Variants in AP2B1 observed in about 807,000 individuals in gnomAD.
The protein encoded by AP2B1 is AP-2 complex subunit beta.
AP2B1 carries 23 observed loss-of-function variants against 102.0 expected under a neutral mutation model. The observed-to-expected ratio is 0.23, with a 90% CI of 0.16 to 0.32. The LOEUF is 0.32. AP2B1 is among the 10% of genes least tolerant of loss of function. The pLI, the probability that AP2B1 is intolerant of heterozygous loss-of-function variation, is 1.00. For synonymous variants in AP2B1, 381 were observed against 421.2 expected (o/e 0.90, Z 1.17); for missense variants, 541 against 1,157.4 (o/e 0.47, Z 7.73).
intron 1 of AP2B1, among the ~76,000 whole-genome samples, chr17:35,588,985 G>A (rs554031954): frequency 2.6e-5 from 4 of 152,256 alleles, no homozygotes; most frequent in Admixed American, 1.3e-4. Context: ...ATTAAATAGG[G>A]CACGTTCTCC....
chr17:35,720,995 C>T (rs190309578), intron 21 of AP2B1, among the ~76,000 whole-genome samples: 6 of 152,020 alleles, frequency 3.9e-5, no homozygotes, highest in Admixed American at 3.3e-4. Context: ...TGATCCATTC[C>T]CTTCATCACC....
intron 13 of AP2B1, among the ~76,000 whole-genome samples, chr17:35,654,206 T>G (rs2075162068): frequency 6.6e-6 from 1 of 151,942 alleles, no homozygotes; most frequent in Non-Finnish European, 1.5e-5. Flanking sequence ...GGACTACAGC[T>G]GCCTCCTACC....
intron 20 of AP2B1, among the ~76,000 whole-genome samples, chr17:35,715,557 G>T (rs371717858): frequency 5.8e-4 from 89 of 152,314 alleles, no homozygotes; most frequent in African/African-American, 2.1e-3. Flanking sequence ...GCCCCTCTGT[G>T]TTCAAGACAA....
intron 18 of AP2B1, among the ~76,000 whole-genome samples, chr17:35,703,651 G>C (rs929145029): frequency 1.3e-5 from 2 of 152,148 alleles, no homozygotes; most frequent in Non-Finnish European, 2.9e-5. Context: ...GACACAAAGA[G>C]GGGAATAGCA....
chr17:35,662,228 A>G (rs1209354377), intron 14 of AP2B1, among the ~76,000 whole-genome samples: 1 of 152,204 alleles, frequency 6.6e-6, no homozygotes, highest in East Asian at 1.9e-4. Flanking sequence ...AGACTTGGAT[A>G]AAAATGGATT....
chr17:35,680,639 G>A (rs2075797087), intron 17 of AP2B1, among the ~76,000 whole-genome samples: 1 of 150,524 alleles, frequency 6.6e-6, no homozygotes, highest in African/African-American at 2.4e-5. Flanking sequence ...GTCTCCCAAA[G>A]TGTTGGGATT....
intron 17 of AP2B1, among the ~76,000 whole-genome samples, chr17:35,676,134 A>G (rs2075696863): frequency 6.6e-6 from 1 of 152,188 alleles, no homozygotes; most frequent in Admixed American, 6.5e-5. Context: ...TGCTGATTCT[A>G]CCTGTAAATT....
chr17:35,688,357 A>G (rs2075977126), intron 18 of AP2B1, among the ~76,000 whole-genome samples: 2 of 152,120 alleles, frequency 1.3e-5, no homozygotes. Context: ...GATTCTTGAT[A>G]CTTGCTTTAG....
chr17:35,684,326 A>G lies in AP2B1; in HGVS notation c.2454+1502A>G, dbSNP rs111539023. On this transcript the variant is annotated intron_variant, in intron 18 of 21. Transcript: ENST00000610402. ...CTATGAAATATATTTAAAATGATGAAAGAAAAATGTCAGCTTTCCTCTTTC... is the reference window on the plus strand; with the variant it reads ...CTATGAAATATATTTAAAATGATGAGAGAAAAATGTCAGCTTTCCTCTTTC... Among the ~76,000 whole-genome samples the G allele has an allele frequency of 5.2e-3, 791 of 152,334 alleles. 8 individuals carry two copies. The highest frequency in any genetic ancestry group is 0.018 in the African/African-American group (748 of 41,572).
At chr17:35,624,320 C>A in intron 5 of AP2B1, 77 bp from the exon 6 acceptor site, 1 of 1,335,824 alleles carries the variant, frequency 7.5e-7, no homozygotes, top group Non-Finnish European at 1.1e-6. Context: ...TGAAATGACC[C>A]AGAGAAGGCT....
At chr17:35,635,303 C>T (rs2074574799) in intron 9 of AP2B1, among the ~76,000 whole-genome samples, 4 of 152,206 alleles carry the variant, frequency 2.6e-5, no homozygotes, top group Middle Eastern at 3.2e-3. Flanking sequence ...ATCCACCCAC[C>T]TCTCACCTCC....
At chr17:35,660,853 C>T (rs1193724851) in intron 14 of AP2B1, among the ~76,000 whole-genome samples, 1 of 152,176 alleles carries the variant, frequency 6.6e-6, no homozygotes, top group African/African-American at 2.4e-5. Context: ...TAAATTAATT[C>T]AGAGGGCAAG....
chr17:35,673,063 G>A (rs1202060110), intron 16 of AP2B1, among the ~76,000 whole-genome samples: 1 of 152,022 alleles, frequency 6.6e-6, no homozygotes, highest in Non-Finnish European at 1.5e-5. Context: ...TCACTCCTCT[G>A]TTGATGAACA....
intron 15 of AP2B1, 108 bp from the exon 16 acceptor site, chr17:35,671,646 G>A (rs2075589479): frequency 1.9e-6 from 2 of 1,064,670 alleles, no homozygotes; most frequent in Non-Finnish European, 2.8e-6. Context: ...TGTAATTATG[G>A]TGTTTTCTTA....
chr17:35,701,715 C>T (rs1478339539), intron 18 of AP2B1, among the ~76,000 whole-genome samples: 1 of 152,156 alleles, frequency 6.6e-6, no homozygotes, highest in African/African-American at 2.4e-5. Context: ...TCCTCCTATC[C>T]TCTTATCCTC....
At chr17:35,713,597 C>T (rs1413425306) in intron 20 of AP2B1, among the ~76,000 whole-genome samples, 1 of 152,208 alleles carries the variant, frequency 6.6e-6, no homozygotes, top group African/African-American at 2.4e-5. Context: ...ATAGCACCAA[C>T]ACTTTAAATA....
At chr17:35,713,825 T>A (rs1304071875) in intron 20 of AP2B1, 1 of 152,242 alleles carries the variant, frequency 6.6e-6, no homozygotes, top group Non-Finnish European at 1.5e-5. Flanking sequence ...ATGATGCCGC[T>A]AATTGTGTTA....
At position 35,633,760 on chromosome 17, in the gene AP2B1, A is replaced by T. The variant is rs7223830; in HGVS notation, c.1156-2581A>T. 5.3e-4 allele frequency among the ~76,000 whole-genome samples: 80 copies of T among 152,334 alleles called. 1 individual carries two copies. Among genetic ancestry groups the T allele is most frequent in the African/African-American group, 1.9e-3 (79 of 41,558 alleles). On this transcript the variant is annotated intron_variant, in intron 9 of 21. Transcript: ENST00000610402. ...CACATTACCATGCCCAGCAACTAAC[A>T]ATAATTCTTAATTTTATTGAATATT... is the stretch of plus-strand genomic sequence containing the variant.
At chr17:35,718,666 A>G (rs2085259690) in intron 21 of AP2B1, among the ~76,000 whole-genome samples, 2 of 114,388 alleles carry the variant, frequency 1.7e-5, no homozygotes, top group South Asian at 7.3e-4. Flanking sequence ...TGGGTAACAT[A>G]GTGAGACCTT....
Sources: gnomAD v4.1 joint callset for allele counts (sites outside exome capture counted in the v4.1 genomes callset) on GRCh38, gnomAD v4.1.1 for gene constraint, MANE v1.5 for transcripts, NCBI Gene and HGNC (gene_info 2026-07-23, HGNC 2026-07-21) for gene names.